Variants in IPO11 observed in about 807,000 individuals in gnomAD.
IPO11 encodes importin-11.
IPO11 carries 66 observed loss-of-function variants against 143.2 expected under a neutral mutation model. The observed-to-expected ratio is 0.46, with a 90% CI of 0.38 to 0.57. The LOEUF (loss-of-function observed/expected upper bound fraction) is 0.57, where lower values mean the gene tolerates loss of function less well. IPO11 is among the 20% of genes least tolerant of loss of function. The pLI is 0.00. For missense variants in IPO11, 1,026 were observed against 1,141.0 expected (o/e 0.90, Z 1.45); for synonymous variants, 385 against 377.8 (o/e 1.02, Z -0.22).
chr5:62,591,751 C>A, intron 28 of IPO11, 79 bp downstream of exon 28: 1 of 861,024 alleles, frequency 1.2e-6, no homozygotes, highest in Non-Finnish European at 1.8e-6. Flanking sequence ...TTCACCATCA[C>A]TCTATAAGCA....
chr5:62,543,009 C>A (rs1156733427), intron 24 of IPO11, among the ~76,000 whole-genome samples: 3 of 152,060 alleles, frequency 2.0e-5, no homozygotes, highest in African/African-American at 7.2e-5. Context: ...GTTATTTAAT[C>A]CTTACATAAA....
chr5:62,510,849 C>T (rs1326299556), intron 19 of IPO11, among the ~76,000 whole-genome samples: 1 of 152,116 alleles, frequency 6.6e-6, no homozygotes, highest in East Asian at 1.9e-4. Flanking sequence ...GATTCTCCTG[C>T]CTCAGCAGGA....
At chr5:62,622,799 T>C (rs1353441790) in intron 29 of IPO11, among the ~76,000 whole-genome samples, 1 of 152,272 alleles carries the variant, frequency 6.6e-6, no homozygotes, top group African/African-American at 2.4e-5. Context: ...ATTTGTTCAC[T>C]GAGACATGTA....
chr5:62,439,284 GT>G (rs1226593063), intron 2 of IPO11, among the ~76,000 whole-genome samples: 14,357 of 90,470 alleles, frequency 0.16, 171 homozygotes, highest in Non-Finnish European at 0.22. Flanking sequence ...AACTGCGTAG[GT>G]TTTTTTTTTT....
chr5:62,474,409 T>C lies in IPO11; in HGVS notation c.709-7T>C. 6.6e-7 allele frequency: 1 copy of C among 1,508,184 alleles called. No individual in the cohort carries two copies. 93.4% of individuals were successfully genotyped at this position (1,508,184 alleles called of 1,614,324 possible). On this transcript the variant is annotated splice_polypyrimidine_tract_variant and splice_region_variant and intron_variant, in intron 7 of 29. Coordinates refer to ENST00000325324, the MANE Select transcript of IPO11 (RefSeq NM_016338.5). ...ATTGAGATATTTAAAATAATATTCTTTTCTAGGGTTTTTTACATGGAATAT... is the reference window on the plus strand; with the variant it reads ...ATTGAGATATTTAAAATAATATTCTCTTCTAGGGTTTTTTACATGGAATAT...
rs532801345 is a variant in IPO11, at chr5:62,539,334, C to T, written c.2250+2045C>T. ...TACGTAATCCTGCCATCTGTGCTTC[C>T]GCTGTCACATGATGTTCTCCTGGTA... On this transcript the variant is annotated intron_variant, in intron 24 of 29. Transcript: ENST00000325324. Among the ~76,000 whole-genome samples, 29 of 152,220 alleles carry T rather than the reference C, an allele frequency of 1.9e-4. 1 individual carries two copies. The South Asian group carries it at 4.6e-3, about 24-fold the overall frequency.
chr5:62,547,918 A>G (rs1340553731), intron 24 of IPO11, among the ~76,000 whole-genome samples: 1 of 152,104 alleles, frequency 6.6e-6, no homozygotes, highest in Non-Finnish European at 1.5e-5. Flanking sequence ...AAAGAAAAAA[A>G]CTGTAGACAC....
intron 29 of IPO11, among the ~76,000 whole-genome samples, chr5:62,619,860 A>G (rs1271166155): frequency 6.7e-6 from 1 of 149,630 alleles, no homozygotes; most frequent in Admixed American, 6.7e-5. Context: ...CTCCACCTCA[A>G]AAAAAAAAAG....
At chr5:62,424,389 G>A (rs748608112) in intron 1 of IPO11, among the ~76,000 whole-genome samples, 8 of 151,642 alleles carry the variant, frequency 5.3e-5, no homozygotes, top group African/African-American at 7.3e-5. Context: ...TCCGCCCGCC[G>A]GGGCCTCCCA....
intron 29 of IPO11, among the ~76,000 whole-genome samples, chr5:62,602,930 A>G (rs1745559220): frequency 6.6e-6 from 1 of 152,346 alleles, no homozygotes; most frequent in Non-Finnish European, 1.5e-5. Flanking sequence ...TTGGATTAGC[A>G]TATTTCCAGG....
At chr5:62,468,381 CA>C (rs1315763042) in intron 6 of IPO11, among the ~76,000 whole-genome samples, 1 of 152,196 alleles carries the variant, frequency 6.6e-6, no homozygotes, top group Non-Finnish European at 1.5e-5. Flanking sequence ...TTTCACCAGA[CA>C]ATGGATGCAC....
chr5:62,536,979 G>C (rs2112324378), intron 23 of IPO11, among the ~76,000 whole-genome samples, 198 bp downstream of exon 23: 2 of 152,194 alleles, frequency 1.3e-5, no homozygotes, highest in African/African-American at 4.8e-5. Flanking sequence ...AATGTGCTAT[G>C]TCAACAAATT....
intron 12 of IPO11, among the ~76,000 whole-genome samples, chr5:62,486,570 T>C (rs1019691478): frequency 3.9e-5 from 6 of 152,190 alleles, no homozygotes; most frequent in Non-Finnish European, 5.9e-5. Flanking sequence ...TTACCAGATG[T>C]GATGTTTGAG....
intron 1 of IPO11, among the ~76,000 whole-genome samples, chr5:62,418,345 A>T (rs1433960011): frequency 1.3e-5 from 2 of 151,944 alleles, no homozygotes; most frequent in African/African-American, 4.8e-5. Flanking sequence ...TTGTATTTTT[A>T]GTAGAGTATG....
At chr5:62,501,810 T>C (rs1741356847) in intron 16 of IPO11, among the ~76,000 whole-genome samples, 1 of 152,220 alleles carries the variant, frequency 6.6e-6, no homozygotes. Flanking sequence ...TTTTAAATAA[T>C]TGAATTATGA....
chr5:62,548,632 G>A (rs900152592), intron 24 of IPO11, among the ~76,000 whole-genome samples: 6 of 152,070 alleles, frequency 3.9e-5, no homozygotes, highest in Admixed American at 2.6e-4. Flanking sequence ...CTTTCAACCA[G>A]TCTTATTTTC....
At chr5:62,422,281 C>G (rs1438145076) in intron 1 of IPO11, among the ~76,000 whole-genome samples, 2 of 152,122 alleles carry the variant, frequency 1.3e-5, no homozygotes, top group Non-Finnish European at 2.9e-5. Flanking sequence ...TGCCCACCAC[C>G]ATGCTCAGCT....
intron 26 of IPO11, among the ~76,000 whole-genome samples, chr5:62,559,837 A>T (rs1012088384): frequency 4.8e-5 from 7 of 146,840 alleles, no homozygotes; most frequent in Admixed American, 1.4e-4. Flanking sequence ...AATTGCTTGA[A>T]TCTGGGAGGC....
At chr5:62,417,418 TG>T (rs1447309901) in intron 1 of IPO11, among the ~76,000 whole-genome samples, 4 of 151,726 alleles carry the variant, frequency 2.6e-5, no homozygotes, top group Non-Finnish European at 5.9e-5. Context: ...TTGATATCTT[TG>T]TTGCTAAATC....
Sources: gnomAD v4.1 joint callset for allele counts (sites outside exome capture counted in the v4.1 genomes callset) on GRCh38, gnomAD v4.1.1 for gene constraint, MANE v1.5 for transcripts, NCBI Gene and HGNC (gene_info 2026-07-23, HGNC 2026-07-21) for gene names.